The following RADIL variants were observed in gnomAD, a reference collection of about 807,000 sequenced individuals.
The protein encoded by RADIL is ras-associating and dilute domain-containing protein.
Under a neutral mutation model 97.6 loss-of-function variants are expected in RADIL, and 99 were observed. The observed-to-expected ratio is 1.01, with a 90% CI of 0.86 to 1.20. The LOEUF is 1.20. RADIL is among the 50% of genes most tolerant of loss of function. The pLI is 0.00. For missense variants in RADIL, 1,765 were observed against 1,498.9 expected (o/e 1.18, Z -2.93); for synonymous variants, 803 against 691.8 (o/e 1.16, Z -2.52).
intron 10 of RADIL, chr7:4,805,336 G>C (rs771344967): frequency 2.2e-6 from 1 of 465,116 alleles, no homozygotes; most frequent in Non-Finnish European, 3.7e-6. Context: ...TTGGAACTTG[G>C]GCATGGACTC....
intron 2 of RADIL, among the ~76,000 whole-genome samples, chr7:4,862,993 T>A (rs369629501): frequency 6.6e-6 from 1 of 152,240 alleles, no homozygotes; most frequent in African/African-American, 2.4e-5. Flanking sequence ...TCATGCTTTT[T>A]ATGATCTCCA....
In RADIL at chr7:4,880,142, G is replaced by A. The variant is rs891633612; in HGVS notation, c.-64-1939C>T. Among the ~76,000 whole-genome samples, 1 of 152,140 alleles carries A rather than the reference G, an allele frequency of 6.6e-6. No homozygotes were observed. The highest frequency in any genetic ancestry group is 2.4e-5 in the African/African-American group (1 of 41,418). On this transcript the variant is annotated intron_variant, in intron 1 of 14. Transcript: ENST00000399583. The surrounding 1 kb of genome is among the most constrained non-coding windows in gnomAD (Gnocchi z 4.5). Reference sequence around the variant, plus strand: ...CTGAAGAGGTGAATTTGCTGTAACAGGTCACGGAGTTCCCAGTACAGGTCA... The same window carrying A: ...CTGAAGAGGTGAATTTGCTGTAACAAGTCACGGAGTTCCCAGTACAGGTCA...
chr7:4,851,811 G>C (rs1783715756), intron 2 of RADIL, among the ~76,000 whole-genome samples: 1 of 152,212 alleles, frequency 6.6e-6, no homozygotes, highest in South Asian at 2.1e-4. Context: ...CAGATGACAA[G>C]AGATGCCAAA....
rs533166350 is a variant in RADIL, at chr7:4,878,724, C to T, written c.-64-521G>A. Among the ~76,000 whole-genome samples, 7 of 152,348 alleles carry T rather than the reference C, an allele frequency of 4.6e-5. No individual in the cohort carries two copies. Among genetic ancestry groups the T allele is most frequent in the South Asian group, 2.1e-4 (1 of 4,828 alleles). On this transcript the variant is annotated intron_variant, in intron 1 of 14. Coordinates refer to ENST00000399583, the MANE Select transcript of RADIL (RefSeq NM_018059.5). This position sits in a 1 kb window ranked among gnomAD's most constrained non-coding sequence, Gnocchi z 4.1. ...ACAATGAGGTCGCCTAAGTAAGACA[C>T]GCTCCGCTGCAGGGCTTGGATTTCT...
At chr7:4,831,419 A>G (rs1160670110) in intron 5 of RADIL, among the ~76,000 whole-genome samples, 1 of 152,104 alleles carries the variant, frequency 6.6e-6, no homozygotes, top group African/African-American at 2.4e-5. Flanking sequence ...ATCAGGAAAT[A>G]TAATGAATGG....
chr7:4,857,128 T>C (rs1300069866), intron 2 of RADIL, among the ~76,000 whole-genome samples: 1 of 152,234 alleles, frequency 6.6e-6, no homozygotes, highest in Non-Finnish European at 1.5e-5. Flanking sequence ...TTCATCTTTG[T>C]TATTTTATGT....
At chr7:4,812,708 C>T (rs1283656354) in intron 9 of RADIL, among the ~76,000 whole-genome samples, 1 of 152,208 alleles carries the variant, frequency 6.6e-6, no homozygotes, top group Non-Finnish European at 1.5e-5. Context: ...AGGTGTAAGC[C>T]ACCACACCCA....
In RADIL at chr7:4,837,897, G is replaced by T; in HGVS notation, c.536-1292C>A. ...TGAGTTCCCTGTACGCAGCCTTTCAGGTTAAGATCCATCCCCATCTGTGGC... is the reference window on the plus strand; with the variant it reads ...TGAGTTCCCTGTACGCAGCCTTTCATGTTAAGATCCATCCCCATCTGTGGC... On this transcript the variant is annotated intron_variant, in intron 2 of 14. Coordinates refer to ENST00000399583, the MANE Select transcript of RADIL (RefSeq NM_018059.5). The surrounding 1 kb of genome is among the most constrained non-coding windows in gnomAD (Gnocchi z 5.6). The T allele has an allele frequency of 4.1e-6, 4 of 985,392 alleles. No individual in the cohort carries two copies. The highest frequency in any genetic ancestry group is 4.8e-6 in the Non-Finnish European group (4 of 829,928). 61.0% of individuals were successfully genotyped at this position (985,392 alleles called of 1,614,324 possible). A position where few individuals can be genotyped will look rare whatever the true frequency, so the allele number is the denominator to read the frequency against.
rs1316243134 is a variant in RADIL, at chr7:4,880,411, C to T, written c.-64-2208G>A. On this transcript the variant is annotated intron_variant, in intron 1 of 14. Coordinates refer to ENST00000399583, the MANE Select transcript of RADIL (RefSeq NM_018059.5). The surrounding 1 kb of genome is among the most constrained non-coding windows in gnomAD (Gnocchi z 4.5). ...GCCTGGCCTGTGCACACCACACCAGCGGCTTCCAATCGCCCTCTAGTCTGA... is the reference window on the plus strand; with the variant it reads ...GCCTGGCCTGTGCACACCACACCAGTGGCTTCCAATCGCCCTCTAGTCTGA... Among the ~76,000 whole-genome samples, 3 of 152,300 alleles carry T rather than the reference C, an allele frequency of 2.0e-5. No individual in the cohort carries two copies. The highest frequency in any genetic ancestry group is 2.0e-4 in the Admixed American group (3 of 15,298).
At chr7:4,809,088 A>G (rs1194189594) in intron 9 of RADIL, 40 of 980,384 alleles carry the variant, frequency 4.1e-5, no homozygotes, top group Non-Finnish European at 4.7e-5. Flanking sequence ...TCTCCTGTAG[A>G]CGCTCTGCTC....
rs1415295983 is a variant in RADIL at position 4,867,616 on chromosome 7, T to TAGG, written c.535+9988_535+9989insCCT. Reference sequence around the variant, plus strand: ...GCAACATAGTGAGGCCCTGTCTCTATTTTTAAAATAAATAAGTAAATAAAT... The same window carrying TAGG: ...GCAACATAGTGAGGCCCTGTCTCTATAGGTTTTAAAATAAATAAGTAAATAAAT... On this transcript the variant is annotated intron_variant, in intron 2 of 14. Transcript: ENST00000399583. The surrounding 1 kb of genome is among the most constrained non-coding windows in gnomAD (Gnocchi z 4.1). Among the ~76,000 whole-genome samples the TAGG allele has an allele frequency of 2.7e-5, 4 of 150,668 alleles. No individual in the cohort carries two copies. In the East Asian group the frequency reaches 7.8e-4, roughly 29 times the overall value.
At chr7:4,805,855 G>GTTTT in intron 9 of RADIL, 139 bp from the exon 10 acceptor site, 2 of 1,397,182 alleles carry the variant, frequency 1.4e-6, no homozygotes. Context: ...GGCCATCTGT[G>GTTTT]AGGGGGACGG....
chr7:4,848,826 G>C (rs1461097889), intron 2 of RADIL, among the ~76,000 whole-genome samples: 1 of 152,120 alleles, frequency 6.6e-6, no homozygotes, highest in Non-Finnish European at 1.5e-5. Context: ...CCAAGACATA[G>C]TAGGATACGT....
At chr7:4,807,534 C>T in intron 9 of RADIL, among the ~76,000 whole-genome samples, 1 of 123,312 alleles carries the variant, frequency 8.1e-6, no homozygotes, top group Non-Finnish European at 1.7e-5. Context: ...TCCCCTCCCT[C>T]CTCTCTCCCT....
Position 4,877,968 on chromosome 7 carries a change from G to A in RADIL, c.172C>T (p.Gln58Ter), listed in dbSNP as rs768636132. ...ASDDPAELST[Q>*]LSAPGVLKVF... is the part of the protein sequence containing the mutation. ...TTCAGGACACCAGGGGCCGACAGCT[G>A]GGTGGAGAGCTCGGCGGGGTCATCG... Residue 58 changes from glutamine (Q) to a stop codon, truncating the protein, a stop_gained, in exon 2 of 15, where the codon CAG (glutamine) becomes TAG (stop). Coordinates refer to ENST00000399583, the MANE Select transcript of RADIL (RefSeq NM_018059.5). LOFTEE classifies it high-confidence loss of function. 4 of 1,611,684 alleles carry A rather than the reference G, an allele frequency of 2.5e-6. No individual in the cohort carries two copies. The South Asian group carries it at 4.4e-5, about 18-fold the overall frequency.
intron 2 of RADIL, among the ~76,000 whole-genome samples, chr7:4,855,173 G>A (rs573316656): frequency 6.6e-6 from 1 of 152,254 alleles, no homozygotes; most frequent in South Asian, 2.1e-4. Context: ...TTCCCTCATT[G>A]ATGGATATGT....
At chr7:4,804,231 G>A (rs548857634) in intron 10 of RADIL, among the ~76,000 whole-genome samples, 42 of 152,350 alleles carry the variant, frequency 2.8e-4, no homozygotes, top group African/African-American at 9.1e-4. Context: ...TTCAGGCGGC[G>A]GAAGAGTGCG....
rs994355965 is a variant in RADIL at position 4,837,012 on chromosome 7, C to T, written c.536-407G>A. 3.3e-5 allele frequency among the ~76,000 whole-genome samples: 5 copies of T among 152,296 alleles called. No individual in the cohort carries two copies. The highest frequency in any genetic ancestry group is 2.6e-4 in the Admixed American group (4 of 15,304). ...TCTGAGTTCAAATCCCACTAAGCCA[C>T]GTCTCCTAATGCCGTTACTGTTCTG... is the stretch of plus-strand genomic sequence containing the variant. On this transcript the variant is annotated intron_variant, in intron 2 of 14. Transcript: ENST00000399583. The surrounding 1 kb of genome is among the most constrained non-coding windows in gnomAD (Gnocchi z 5.6).
intron 10 of RADIL, chr7:4,804,130 A>G: frequency 6.2e-6 from 2 of 321,402 alleles, no homozygotes; most frequent in South Asian, 2.9e-5. Context: ...AGCTCCTCCC[A>G]GGGCTGGAGC....
Sources: allele counts gnomAD v4.1 joint callset (sites outside exome capture counted in the v4.1 genomes callset), GRCh38; gene constraint gnomAD v4.1.1; non-coding constraint Gnocchi (gnomAD v3.1); transcripts MANE v1.5; gene names NCBI Gene and HGNC (gene_info 2026-07-23, HGNC 2026-07-21).